The following SPTLC1 variants were observed in gnomAD, a reference collection of about 807,000 sequenced individuals.
SPTLC1 encodes the protein serine palmitoyltransferase 1.
In SPTLC1, 55 loss-of-function variants were observed where a neutral mutation model predicts 68.9. That is an observed-to-expected ratio of 0.80 (90% CI 0.64 to 1.00). The LOEUF is 1.00. SPTLC1 is among the 50% of genes least tolerant of loss of function. The probability of loss-of-function intolerance (pLI) is 0.00; values close to 1 mark genes in which losing one functional copy is unlikely to be tolerated. For synonymous variants in SPTLC1, 197 were observed against 201.6 expected, an observed-to-expected ratio of 0.98 and a Z score of 0.19; for missense variants, 449 against 573.1, an observed-to-expected ratio of 0.78 and a Z score of 2.21.
intron 14 of SPTLC1, 90 bp downstream of exon 14, chr9:92,034,720 A>G (rs1472112049): frequency 3.0e-6 from 3 of 987,150 alleles, no homozygotes; most frequent in Non-Finnish European, 4.9e-6. Context: ...ATAGCCTATG[A>G]TAGTCTTTCA....
intron 3 of SPTLC1, among the ~76,000 whole-genome samples, chr9:92,100,610 C>T (rs1364787272): frequency 6.6e-6 from 1 of 152,042 alleles, no homozygotes; most frequent in Non-Finnish European, 1.5e-5. Context: ...GCAGACCAGC[C>T]CCAGTAATCC....
At chr9:92,068,943 C>T (rs909314739) in intron 5 of SPTLC1, among the ~76,000 whole-genome samples, 5 of 152,006 alleles carry the variant, frequency 3.3e-5, no homozygotes, top group African/African-American at 4.8e-5. Context: ...TAAAAAATTC[C>T]CTTAGCTCTT....
At chr9:92,051,057 G>A in intron 8 of SPTLC1, 5 of 985,068 alleles carry the variant, frequency 5.1e-6, no homozygotes, top group Non-Finnish European at 6.0e-6. Flanking sequence ...CTTCATTACT[G>A]TAGCCCTATA....
chr9:92,050,810 G>GCTTTTTTTTTT (rs1564088122), intron 8 of SPTLC1: 1 of 72,266 alleles, frequency 1.4e-5, no homozygotes, highest in Non-Finnish European at 2.2e-5. Context: ...GCACAATACT[G>GCTTTTTTTTTT]ATTTTTTTTT....
At chr9:92,048,291 G>A (rs578258906) in intron 9 of SPTLC1, among the ~76,000 whole-genome samples, 3 of 152,178 alleles carry the variant, frequency 2.0e-5, no homozygotes, top group Admixed American at 6.5e-5. Context: ...GAACTCCTTC[G>A]GTCCTCATCT....
intron 3 of SPTLC1, 124 bp from the exon 4 acceptor site, chr9:92,081,087 ATTTCTTGTT>A: frequency 1.4e-6 from 1 of 716,316 alleles, no homozygotes; most frequent in Non-Finnish European, 2.5e-6. Context: ...CTGGTCTTTG[ATTTCTTGTT>A]TTTAAGAAGT....
intron 3 of SPTLC1, among the ~76,000 whole-genome samples, chr9:92,081,186 T>C (rs767458361): frequency 6.6e-6 from 1 of 152,028 alleles, no homozygotes; most frequent in East Asian, 1.9e-4. Flanking sequence ...ACTATGAAAA[T>C]AAAAAAGAAA....
intron 12 of SPTLC1, among the ~76,000 whole-genome samples, chr9:92,039,500 T>A (rs1833267131): frequency 6.6e-6 from 1 of 152,186 alleles, no homozygotes; most frequent in Non-Finnish European, 1.5e-5. Flanking sequence ...TCTCGGCTAC[T>A]ATCTAGTCAG....
At chr9:92,106,472 CAAAAAAAAAA>C (rs34928872) in intron 3 of SPTLC1, among the ~76,000 whole-genome samples, 2 of 68,374 alleles carry the variant, frequency 2.9e-5, no homozygotes, top group African/African-American at 9.5e-5. Flanking sequence ...GACTCCGTCT[CAAAAAAAAAA>C]AAAAAAAAAA....
intron 12 of SPTLC1, among the ~76,000 whole-genome samples, chr9:92,045,495 T>TA (rs376327457): frequency 0.021 from 279 of 13,394 alleles, 6 homozygotes; most frequent in South Asian, 0.17. Flanking sequence ...TAAAGTATAA[T>TA]AAAAAAAAAA....
intron 3 of SPTLC1, among the ~76,000 whole-genome samples, chr9:92,106,626 G>C (rs1333332355): frequency 1.3e-5 from 2 of 152,058 alleles, no homozygotes; most frequent in African/African-American, 4.8e-5. Context: ...CCCACGTGCT[G>C]TTGGGCCCCT....
chr9:92,113,570 AAAC>A (rs1218028168), intron 1 of SPTLC1, among the ~76,000 whole-genome samples: 1 of 152,260 alleles, frequency 6.6e-6, no homozygotes, highest in East Asian at 1.9e-4. Flanking sequence ...AAAAGGGAGC[AAAC>A]AACATTTAAC....
intron 3 of SPTLC1, chr9:92,105,539 G>A: frequency 1.7e-6 from 1 of 596,382 alleles, no homozygotes; most frequent in Non-Finnish European, 2.9e-6. Flanking sequence ...CATCTGGGAA[G>A]TGAGGAGCGC....
intron 8 of SPTLC1, among the ~76,000 whole-genome samples, chr9:92,053,380 T>C (rs79214319): frequency 0.052 from 7,873 of 152,244 alleles, 264 homozygotes; most frequent in Middle Eastern, 0.065. Flanking sequence ...AAACACAGAA[T>C]TACCATATAA....
rs1477735482 is a variant in SPTLC1, at chr9:92,086,863, G to A, written c.261-5900C>T. ...TTTCCAACTTGGTTCCATTCTCCCC[G>A]TCACTTTCAGGTGCACCAATCAGAC... On this transcript the variant is annotated intron_variant, in intron 3 of 14. Transcript: ENST00000262554. Among the ~76,000 whole-genome samples, 11 of 151,858 alleles carry A rather than the reference G, an allele frequency of 7.2e-5. 1 individual carries two copies. The South Asian group carries it at 1.7e-3, about 23-fold the overall frequency.
chr9:92,095,177 G>A (rs1430520203), intron 3 of SPTLC1, among the ~76,000 whole-genome samples: 1 of 152,180 alleles, frequency 6.6e-6, no homozygotes, highest in Non-Finnish European at 1.5e-5. Context: ...GACTCCAGTA[G>A]CTAAAAAGTA....
rs1447867203 is a variant in SPTLC1 at position 92,112,636 on chromosome 9, T to C, written c.58-74A>G. ...ACCTGCACATAAAATTTACTACACC[T>C]GCATATACTGCCTCCTGTGACTTTT... is the stretch of plus-strand genomic sequence containing the variant. On this transcript the variant is annotated intron_variant, in intron 1 of 14. Coordinates refer to ENST00000262554, the MANE Select transcript of SPTLC1 (RefSeq NM_006415.4). 10 of 883,532 alleles carry C rather than the reference T, an allele frequency of 1.1e-5. No individual in the cohort carries two copies. The South Asian group carries it at 1.3e-4, about 12-fold the overall frequency. 54.7% of individuals were successfully genotyped at this position (883,532 alleles called of 1,614,324 possible).
chr9:92,078,957 AT>A, intron 5 of SPTLC1: 4 of 753,040 alleles, frequency 5.3e-6, no homozygotes, highest in Non-Finnish European at 6.5e-6. Flanking sequence ...ACACAAAAAG[AT>A]CCAGAAATGG....
intron 12 of SPTLC1, among the ~76,000 whole-genome samples, chr9:92,040,533 G>A (rs1833307792): frequency 6.6e-6 from 1 of 151,758 alleles, no homozygotes. Context: ...CCAAGGTTGG[G>A]GGGATCACGA....
Sources: gnomAD v4.1 joint callset for allele counts (sites outside exome capture counted in the v4.1 genomes callset) on GRCh38, gnomAD v4.1.1 for gene constraint, MANE v1.5 for transcripts, NCBI Gene and HGNC (gene_info 2026-07-23, HGNC 2026-07-21) for gene names.